C3orf33: variants seen among roughly 807,000 people sequenced by gnomAD.
C3orf33 encodes mitochondrial inner membrane subdomain organizer 1, also known as AP-1 activity suppressor.
Under a neutral mutation model 28.7 loss-of-function variants are expected in C3orf33, and 23 were observed. The observed-to-expected ratio is 0.80, with a 90% CI of 0.58 to 1.13. C3orf33 has a LOEUF of 1.13. Among genes scored for constraint, C3orf33 ranks in the 50% most tolerant of loss-of-function variants. The pLI is 0.00. For synonymous variants in C3orf33, 119 were observed against 120.5 expected, an observed-to-expected ratio of 0.99 and a Z score of 0.08; for missense variants, 327 against 353.4, an observed-to-expected ratio of 0.93 and a Z score of 0.60.
chr3:155,781,339 C>T (rs558073944), intron 2 of C3orf33, among the ~76,000 whole-genome samples: 2 of 152,236 alleles, frequency 1.3e-5, no homozygotes, highest in South Asian at 2.1e-4. Flanking sequence ...GTTTCTCTTA[C>T]TTGCAGCCAA....
intron 2 of C3orf33, among the ~76,000 whole-genome samples, chr3:155,799,615 CA>C (rs1484863056): frequency 2.0e-5 from 3 of 152,034 alleles, no homozygotes; most frequent in Non-Finnish European, 2.9e-5. Flanking sequence ...CTTGAGCCCG[CA>C]AGACCAAGGC....
At chr3:155,796,202 G>A (rs1751472145) in intron 2 of C3orf33, among the ~76,000 whole-genome samples, 1 of 151,978 alleles carries the variant, frequency 6.6e-6, no homozygotes, top group Non-Finnish European at 1.5e-5. Flanking sequence ...CAAAAGATTA[G>A]GGATATGAAA....
chr3:155,779,018 C>T (rs1750837516), intron 2 of C3orf33, among the ~76,000 whole-genome samples: 1 of 152,132 alleles, frequency 6.6e-6, no homozygotes, highest in African/African-American at 2.4e-5. Context: ...CTCCCCAAAA[C>T]TAATGAAGGA....
intron 2 of C3orf33, among the ~76,000 whole-genome samples, chr3:155,801,296 G>A (rs1465560587): frequency 7.4e-6 from 1 of 135,798 alleles, no homozygotes; most frequent in African/African-American, 2.8e-5. Context: ...GGGCGACAGA[G>A]TGAGACTCTG....
intron 2 of C3orf33, among the ~76,000 whole-genome samples, chr3:155,780,838 T>C (rs1750896867): frequency 6.6e-6 from 1 of 152,250 alleles, no homozygotes; most frequent in Admixed American, 6.5e-5. Flanking sequence ...GTTGGTACTG[T>C]CCTTTTCCTC....
chr3:155,788,890 T>C (rs566385215), intron 2 of C3orf33, among the ~76,000 whole-genome samples: 1 of 152,278 alleles, frequency 6.6e-6, no homozygotes, highest in East Asian at 1.9e-4. Flanking sequence ...AGAATTTAAA[T>C]ACCTCTGTTC....
intron 2 of C3orf33, among the ~76,000 whole-genome samples, chr3:155,800,572 T>C (rs1399644800): frequency 1.7e-5 from 2 of 118,318 alleles, no homozygotes; most frequent in East Asian, 5.5e-4. Flanking sequence ...ATCATGCCAG[T>C]GCACTCTAGC....
At chr3:155,775,414 G>A (rs555681568) in intron 3 of C3orf33, among the ~76,000 whole-genome samples, 1 of 151,956 alleles carries the variant, frequency 6.6e-6, no homozygotes, top group South Asian at 2.1e-4. Context: ...GCTTGAACCT[G>A]GGAGGCGGAG....
At chr3:155,791,164 C>T (rs1051946120) in intron 2 of C3orf33, among the ~76,000 whole-genome samples, 4 of 152,130 alleles carry the variant, frequency 2.6e-5, no homozygotes, top group African/African-American at 4.8e-5. Context: ...AGGCAGAGGA[C>T]GAAGACTCCC....
chr3:155,803,437 C>T (rs1056158518), intron 1 of C3orf33, among the ~76,000 whole-genome samples: 11 of 151,394 alleles, frequency 7.3e-5, no homozygotes, highest in African/African-American at 1.7e-4. Context: ...TGGTGGTGGG[C>T]GCCTGTAGTC....
intron 1 of C3orf33, 91 bp downstream of exon 1, chr3:155,806,048 C>A (rs1010671357): frequency 2.3e-6 from 2 of 872,486 alleles, no homozygotes. Flanking sequence ...CCGGCCCCGG[C>A]GGGATCCACG....
At chr3:155,786,392 G>A (rs1751109748) in intron 2 of C3orf33, among the ~76,000 whole-genome samples, 1 of 151,772 alleles carries the variant, frequency 6.6e-6, no homozygotes, top group Non-Finnish European at 1.5e-5. Flanking sequence ...AAGAGAGAAA[G>A]GACTAAAATT....
chr3:155,799,786 ATTATG>A (rs1186579398), intron 2 of C3orf33, among the ~76,000 whole-genome samples: 1 of 152,184 alleles, frequency 6.6e-6, no homozygotes, highest in Non-Finnish European at 1.5e-5. Context: ...AATGGAGGTC[ATTATG>A]TTAAGTGAAG....
chr3:155,802,666 A>G (rs1751683129), intron 1 of C3orf33, 75 bp from the exon 2 acceptor site: 4 of 1,144,748 alleles, frequency 3.5e-6, no homozygotes, highest in East Asian at 5.0e-5. Context: ...TAGAAGGTAG[A>G]AAAAAAGAAG....
intron 2 of C3orf33, among the ~76,000 whole-genome samples, chr3:155,788,335 C>T (rs985659739): frequency 3.3e-5 from 5 of 151,954 alleles, no homozygotes; most frequent in African/African-American, 4.8e-5. Flanking sequence ...CATGATAACA[C>T]TTAAGAAACT....
At chr3:155,781,127 A>G (rs1750909617) in intron 2 of C3orf33, among the ~76,000 whole-genome samples, 1 of 151,460 alleles carries the variant, frequency 6.6e-6, no homozygotes, top group South Asian at 2.1e-4. Flanking sequence ...CCTCCCGAGT[A>G]GCTGGGACTA....
chr3:155,789,855 C>T (rs1318058856), intron 2 of C3orf33, among the ~76,000 whole-genome samples: 1 of 152,086 alleles, frequency 6.6e-6, no homozygotes, highest in Non-Finnish European at 1.5e-5. Context: ...CAACACCACT[C>T]AATGGGGAAA....
At chr3:155,787,681 TA>T (rs893862870) in intron 2 of C3orf33, among the ~76,000 whole-genome samples, 5 of 151,018 alleles carry the variant, frequency 3.3e-5, no homozygotes, top group South Asian at 2.1e-4. Context: ...TTTATCTATT[TA>T]TTTTTTTTTT....
chr3:155,763,461 A>G lies in C3orf33; in HGVS notation c.*56T>C. 1 of 1,305,180 alleles carries G rather than the reference A, an allele frequency of 7.7e-7. No individual in the cohort carries two copies. The highest frequency in any genetic ancestry group is 3.4e-5 in the Admixed American group (1 of 29,366). 80.8% of individuals were successfully genotyped at this position (1,305,180 alleles called of 1,614,324 possible). Reference sequence around the variant, plus strand: ...CATTTTGATTCAATGAAAAACGTCCATATATTTACATATTTCACTCTTTGG... The same window carrying G: ...CATTTTGATTCAATGAAAAACGTCCGTATATTTACATATTTCACTCTTTGG... On this transcript the variant is annotated 3_prime_UTR_variant, in exon 5 of 5. Transcript: ENST00000340171.
Sources: gnomAD v4.1 joint callset for allele counts (sites outside exome capture counted in the v4.1 genomes callset) on GRCh38, gnomAD v4.1.1 for gene constraint, MANE v1.5 for transcripts, NCBI Gene and HGNC (gene_info 2026-07-23, HGNC 2026-07-21) for gene names.